The following RFX4 variants were observed in gnomAD, a reference collection of about 807,000 sequenced individuals.
RFX4 encodes the protein transcription factor RFX4.
Under a neutral mutation model 95.0 loss-of-function variants are expected in RFX4, and 10 were observed. The ratio of observed to expected loss-of-function variants is 0.11; its 90% CI spans 0.06 to 0.18. The LOEUF (loss-of-function observed/expected upper bound fraction) is 0.18. RFX4 is among the 10% of genes least tolerant of loss of function. RFX4 has a pLI of 1.00. For synonymous variants in RFX4, 321 were observed against 340.7 expected (o/e 0.94, Z 0.64); for missense variants, 640 against 922.0 (o/e 0.69, Z 3.96).
At chr12:106,601,024 T>A in intron 1 of RFX4, 1 of 804,618 alleles carries the variant, frequency 1.2e-6, no homozygotes. Context: ...GCTCAGAGCC[T>A]GTCAAACAGT....
At chr12:106,655,195 G>C (rs919824656) in intron 4 of RFX4, among the ~76,000 whole-genome samples, 1 of 152,180 alleles carries the variant, frequency 6.6e-6, no homozygotes, top group Non-Finnish European at 1.5e-5. Context: ...ACAAAGAGCC[G>C]TGTTAGGGCT....
intron 1 of RFX4, chr12:106,601,170 C>G (rs529904016): frequency 1.3e-6 from 2 of 1,506,508 alleles, no homozygotes; most frequent in Non-Finnish European, 1.8e-6. Flanking sequence ...TGAGCCACCC[C>G]CTGGAGAGGC....
intron 4 of RFX4, among the ~76,000 whole-genome samples, chr12:106,671,394 TG>T (rs1565973167): frequency 6.6e-6 from 1 of 152,056 alleles, no homozygotes; most frequent in Non-Finnish European, 1.5e-5. Context: ...TGGGTGGCTC[TG>T]GGGGTGTCTC....
At chr12:106,664,721 A>G (rs965679389) in intron 4 of RFX4, among the ~76,000 whole-genome samples, 1 of 151,734 alleles carries the variant, frequency 6.6e-6, no homozygotes, top group Non-Finnish European at 1.5e-5. Flanking sequence ...ATTTCATCTC[A>G]CAAATTTTAA....
chr12:106,630,600 G>GTT (rs2040399965), intron 2 of RFX4, among the ~76,000 whole-genome samples: 1 of 152,208 alleles, frequency 6.6e-6, no homozygotes, highest in African/African-American at 2.4e-5. Context: ...GCAGCCCCAT[G>GTT]TTCCCAACAG....
rs2040570765 is a variant in RFX4 at position 106,639,248 on chromosome 12, T to C, written c.131-84T>C. 17 of 1,190,644 alleles carry C rather than the reference T, an allele frequency of 1.4e-5. No individual in the cohort carries two copies. The South Asian group carries it at 2.5e-4, about 17-fold the overall frequency. The allele number at this position is 1,190,644 out of a possible 1,614,324, so 73.8% of individuals were successfully genotyped here. ...CAACATTTCAAAGAAACATAGTCTT[T>C]TGAAACTTGGGAGAGTCGAGAGGAC... On this transcript the variant is annotated intron_variant, in intron 2 of 17. Transcript: ENST00000392842.
At chr12:106,584,880 T>TC (rs1196487889) in intron 1 of RFX4, among the ~76,000 whole-genome samples, 1 of 152,170 alleles carries the variant, frequency 6.6e-6, no homozygotes, top group Non-Finnish European at 1.5e-5. Context: ...GAAGTTCTCC[T>TC]TCCTATACTC....
Position 106,761,177 on chromosome 12 carries a change from ATTTC to A in RFX4, c.1936-15_1936-12del. 6.2e-7 allele frequency: 1 copy of A among 1,601,410 alleles called. No individual in the cohort carries two copies. ...CTCAAGCTAATTTTAACTTTGTGGA[ATTTC>A]TTTCCCCTCAACAAGTACCCTTTTA... On this transcript the variant is annotated splice_polypyrimidine_tract_variant and intron_variant, in intron 17 of 17. Transcript: ENST00000392842.
intron 5 of RFX4, chr12:106,684,539 A>G (rs2041599950): frequency 2.9e-6 from 1 of 348,094 alleles, no homozygotes; most frequent in Admixed American, 4.8e-5. Context: ...GATTTTAGCT[A>G]CGTGATCTCT....
intron 2 of RFX4, among the ~76,000 whole-genome samples, chr12:106,634,068 G>C (rs954487743): frequency 6.6e-6 from 1 of 152,224 alleles, no homozygotes; most frequent in Non-Finnish European, 1.5e-5. Context: ...CCTGATAAAA[G>C]ATGAGGCAAA....
chr12:106,620,557 A>G (rs1159486913), intron 2 of RFX4, among the ~76,000 whole-genome samples: 1 of 152,058 alleles, frequency 6.6e-6, no homozygotes, highest in Admixed American at 6.5e-5. Flanking sequence ...CAAAAGCAGA[A>G]CTACTGATAA....
At chr12:106,627,742 G>T (rs145905267) in intron 2 of RFX4, among the ~76,000 whole-genome samples, 1 of 152,308 alleles carries the variant, frequency 6.6e-6, no homozygotes, top group African/African-American at 2.4e-5. Context: ...TAAAAAAGAC[G>T]GAAGGAACTG....
At chr12:106,709,994 A>C (rs1264622705) in intron 9 of RFX4, among the ~76,000 whole-genome samples, 1 of 152,134 alleles carries the variant, frequency 6.6e-6, no homozygotes, top group Non-Finnish European at 1.5e-5. Context: ...ATTTCTCATA[A>C]AGGGATTGAG....
intron 2 of RFX4, among the ~76,000 whole-genome samples, chr12:106,618,957 A>T: frequency 6.6e-6 from 1 of 152,168 alleles, no homozygotes; most frequent in East Asian, 1.9e-4. Context: ...ATTCTTCACT[A>T]ATTATTATTA....
intron 15 of RFX4, among the ~76,000 whole-genome samples, chr12:106,745,583 G>T (rs113265615): frequency 6.6e-6 from 1 of 152,274 alleles, no homozygotes; most frequent in African/African-American, 2.4e-5. Flanking sequence ...CCATATCAAT[G>T]CAGCTCCTCT....
chr12:106,607,406 A>G (rs1334246431), intron 1 of RFX4, among the ~76,000 whole-genome samples: 1 of 152,190 alleles, frequency 6.6e-6, no homozygotes, highest in Non-Finnish European at 1.5e-5. Flanking sequence ...AAAGACCTGA[A>G]GATTGCTTTT....
chr12:106,659,789 T>C (rs1480948079), intron 4 of RFX4, among the ~76,000 whole-genome samples: 29 of 152,226 alleles, frequency 1.9e-4, no homozygotes. Context: ...CAAGGAAATA[T>C]GGCCCCAGAG....
chr12:106,720,969 G>A lies in RFX4; in HGVS notation c.1351+93G>A. On this transcript the variant is annotated intron_variant, in intron 13 of 17. Coordinates refer to ENST00000392842, the MANE Select transcript of RFX4 (RefSeq NM_213594.3). This position sits in a 1 kb window ranked among gnomAD's most constrained non-coding sequence, Gnocchi z 4.2. ...TACCACAGTCTAACTTGCTGTTTCT[G>A]CAAGGTCATCACCCTGAAACACATC... 1 of 1,071,838 alleles carries A rather than the reference G, an allele frequency of 9.3e-7. No homozygotes were observed. The highest frequency in any genetic ancestry group is 1.8e-5 in the Admixed American group (1 of 54,134). The allele number at this position is 1,071,838 out of a possible 1,614,324, so 66.4% of individuals were successfully genotyped here.
chr12:106,652,454 T>G (rs2040872579), intron 3 of RFX4, among the ~76,000 whole-genome samples: 1 of 152,210 alleles, frequency 6.6e-6, no homozygotes, highest in South Asian at 2.1e-4. Context: ...GAGCCCCTAC[T>G]GTGTGCCAAG....
Sources: gnomAD v4.1 joint callset for allele counts (sites outside exome capture counted in the v4.1 genomes callset) on GRCh38, gnomAD v4.1.1 for gene constraint, Gnocchi (gnomAD v3.1) non-coding constraint, MANE v1.5 for transcripts, NCBI Gene and HGNC (gene_info 2026-07-23, HGNC 2026-07-21) for gene names.